The following FRMD3 variants were observed in gnomAD, a reference collection of about 807,000 sequenced individuals.
FRMD3 encodes FERM domain-containing protein 3.
A neutral mutation model predicts 70.2 loss-of-function variants in FRMD3; 33 were observed. The observed-to-expected ratio is 0.47, with a 90% CI of 0.36 to 0.63. FRMD3 has a LOEUF of 0.63. Among genes scored for constraint, FRMD3 ranks in the 20% least tolerant of loss-of-function variants. The probability of loss-of-function intolerance (pLI) is 0.00; values close to 1 mark genes in which losing one functional copy is unlikely to be tolerated. For synonymous variants in FRMD3, 279 were observed against 255.9 expected, an observed-to-expected ratio of 1.09 and a Z score of -0.86; for missense variants, 632 against 711.4, an observed-to-expected ratio of 0.89 and a Z score of 1.27.
At chr9:83,287,321 C>G (rs570311283) in intron 13 of FRMD3, among the ~76,000 whole-genome samples, 34 of 152,312 alleles carry the variant, frequency 2.2e-4, no homozygotes, top group African/African-American at 7.5e-4. Flanking sequence ...TACTAAACAT[C>G]CTACAATGCA....
intron 1 of FRMD3, among the ~76,000 whole-genome samples, chr9:83,490,035 T>A (rs985963343): frequency 6.6e-6 from 1 of 152,172 alleles, no homozygotes; most frequent in Non-Finnish European, 1.5e-5. Flanking sequence ...CCAACTTTAA[T>A]ATACACTGGC....
the FRMD3 span, among the ~76,000 whole-genome samples, chr9:83,572,870 T>C: frequency 6.6e-6 from 1 of 152,152 alleles, no homozygotes; most frequent in Non-Finnish European, 1.5e-5. Flanking sequence ...AAATATTCAA[T>C]AAAAAATACT....
chr9:83,574,953 C>A, the FRMD3 span, among the ~76,000 whole-genome samples: 2 of 152,164 alleles, frequency 1.3e-5, no homozygotes, highest in African/African-American at 4.8e-5. Flanking sequence ...TGGGTACTAA[C>A]AGGGAAGATG....
intron 1 of FRMD3, among the ~76,000 whole-genome samples, chr9:83,499,806 T>A (rs1829022031): frequency 6.6e-6 from 1 of 152,230 alleles, no homozygotes; most frequent in East Asian, 1.9e-4. Flanking sequence ...CATGAATGTT[T>A]ATAGAAGCCT....
At chr9:83,521,593 T>C (rs1829572935) in intron 1 of FRMD3, among the ~76,000 whole-genome samples, 1 of 152,186 alleles carries the variant, frequency 6.6e-6, no homozygotes. Context: ...CAACGAATCT[T>C]GCCCAAGTGT....
intron 2 of FRMD3, among the ~76,000 whole-genome samples, chr9:83,377,704 C>T (rs1825193364): frequency 6.6e-6 from 1 of 152,058 alleles, no homozygotes; most frequent in Non-Finnish European, 1.5e-5. Flanking sequence ...TCCCTGATGC[C>T]TCCCCAGAAG....
intron 13 of FRMD3, among the ~76,000 whole-genome samples, chr9:83,287,612 C>G (rs1361372037): frequency 6.6e-6 from 1 of 152,204 alleles, no homozygotes; most frequent in Non-Finnish European, 1.5e-5. Flanking sequence ...CCCCAGAACC[C>G]TCTTCCCTGA....
At chr9:83,563,137 T>C in the FRMD3 span, among the ~76,000 whole-genome samples, 1 of 152,206 alleles carries the variant, frequency 6.6e-6, no homozygotes, top group Non-Finnish European at 1.5e-5. Context: ...GAGTCTTTTA[T>C]GACAGAAGGA....
At chr9:83,522,590 G>A (rs1829598024) in intron 1 of FRMD3, among the ~76,000 whole-genome samples, 1 of 140,944 alleles carries the variant, frequency 7.1e-6, no homozygotes, top group African/African-American at 2.7e-5. Flanking sequence ...TTGAGATGGA[G>A]TCTTGTTCTG....
chr9:83,274,255 A>C (rs1004179409), intron 13 of FRMD3, among the ~76,000 whole-genome samples: 6 of 152,176 alleles, frequency 3.9e-5, no homozygotes, highest in African/African-American at 1.4e-4. Context: ...CTTCTATTTA[A>C]TCTTAGGGCT....
At chr9:83,327,116 T>C (rs756386969) in intron 6 of FRMD3, among the ~76,000 whole-genome samples, 7 of 152,196 alleles carry the variant, frequency 4.6e-5, no homozygotes, top group Non-Finnish European at 8.8e-5. Context: ...GGAGTGGTTC[T>C]GGTTCCCTCT....
the FRMD3 span, among the ~76,000 whole-genome samples, chr9:83,581,170 T>A: frequency 5.9e-5 from 9 of 152,024 alleles, no homozygotes; most frequent in African/African-American, 2.2e-4. Flanking sequence ...GTGAACACCA[T>A]CCAAAAAGTG....
chr9:83,383,873 C>T (rs1564050960), intron 2 of FRMD3, among the ~76,000 whole-genome samples: 3 of 152,216 alleles, frequency 2.0e-5, no homozygotes, highest in Non-Finnish European at 4.4e-5. Context: ...ATCAAGCATC[C>T]ATTTCCCTCC....
intron 6 of FRMD3, among the ~76,000 whole-genome samples, chr9:83,321,869 CAT>C (rs1321940635): frequency 6.6e-6 from 1 of 152,094 alleles, no homozygotes; most frequent in Non-Finnish European, 1.5e-5. Flanking sequence ...ATTTTGGGTG[CAT>C]ATATATCTAG....
intron 13 of FRMD3, among the ~76,000 whole-genome samples, chr9:83,287,116 C>A (rs1834250004): frequency 6.6e-6 from 1 of 152,208 alleles, no homozygotes; most frequent in Non-Finnish European, 1.5e-5. Flanking sequence ...ATTCTCTCTG[C>A]CTGCTTCAGC....
At position 83,349,577 on chromosome 9, in the gene FRMD3, G is replaced by A. The variant is rs892122085; in HGVS notation, c.374+102C>T. 27 of 715,610 alleles carry A rather than the reference G, an allele frequency of 3.8e-5. No individual in the cohort carries two copies. The Middle Eastern group carries it at 7.2e-4, about 19-fold the overall frequency. 44.3% of individuals were successfully genotyped at this position (715,610 alleles called of 1,614,324 possible). A position where few individuals can be genotyped will look rare whatever the true frequency, so the allele number is the denominator to read the frequency against. On this transcript the variant is annotated intron_variant, in intron 4 of 13. Coordinates refer to ENST00000304195, the MANE Select transcript of FRMD3 (RefSeq NM_174938.6). ...CGCTGAATTCCAAGCTTGCAACACT[G>A]AGACGGTCAGCTCTAGACAGGAGGC...
chr9:83,545,604 C>T, the FRMD3 span, among the ~76,000 whole-genome samples: 1 of 151,792 alleles, frequency 6.6e-6, no homozygotes, highest in Non-Finnish European at 1.5e-5. Flanking sequence ...TGATCTGCCC[C>T]CCTCGGCCTC....
intron 1 of FRMD3, among the ~76,000 whole-genome samples, chr9:83,464,868 A>C (rs1828077416): frequency 6.6e-6 from 1 of 152,030 alleles, no homozygotes; most frequent in Admixed American, 6.6e-5. Context: ...AAAAATAAAA[A>C]AATTAGCCAG....
chr9:83,474,979 G>C (rs1388104905), intron 1 of FRMD3, among the ~76,000 whole-genome samples: 1 of 152,086 alleles, frequency 6.6e-6, no homozygotes, highest in Non-Finnish European at 1.5e-5. Flanking sequence ...GCTACACCTG[G>C]GTAGGGAGAT....
Sources: allele counts gnomAD v4.1 joint callset (sites outside exome capture counted in the v4.1 genomes callset), GRCh38; gene constraint gnomAD v4.1.1; transcripts MANE v1.5; gene names NCBI Gene and HGNC (gene_info 2026-07-23, HGNC 2026-07-21).